CBLIF: variants seen among roughly 807,000 people sequenced by gnomAD.
The protein encoded by CBLIF is gastric intrinsic factor (vitamin B synthesis).
CBLIF carries 24 observed loss-of-function variants against 44.9 expected under a neutral mutation model. The observed-to-expected ratio is 0.53, with a 90% CI of 0.39 to 0.75. CBLIF has a LOEUF of 0.75. Among genes scored for constraint, CBLIF ranks in the 30% least tolerant of loss-of-function variants. CBLIF has a pLI of 0.00. For missense variants in CBLIF, 481 were observed against 513.0 expected (o/e 0.94, Z 0.60); for synonymous variants, 183 against 190.9 (o/e 0.96, Z 0.34).
chr11:59,844,038 C>G lies in CBLIF; in HGVS notation c.97G>C (p.Glu33Gln). 1 of 1,613,874 alleles carries G rather than the reference C, an allele frequency of 6.2e-7. No individual in the cohort carries two copies. The highest frequency in any genetic ancestry group is 1.1e-5 in the South Asian group (1 of 91,074). The change falls in exon 2 of 9, where the codon GAG (glutamate) becomes CAG (glutamine). Residue 33 changes from glutamate (E) to glutamine (Q), a missense_variant. Coordinates refer to ENST00000257248, the MANE Select transcript of CBLIF (RefSeq NM_005142.3). ...ACTTGTATTCCATTGACCAAGGGCTCCTGTGCTGAGGGAACGGCTGAGAAG... is the reference window on the plus strand; with the variant it reads ...ACTTGTATTCCATTGACCAAGGGCTGCTGTGCTGAGGGAACGGCTGAGAAG... ...QSSCSVPSAQEPLVNGIQVLM... is the reference protein window; with the variant it reads ...QSSCSVPSAQQPLVNGIQVLM...
At position 59,829,525 on chromosome 11, in the gene CBLIF, A is replaced by G; in HGVS notation, c.1213T>C (p.Phe405Leu). The change falls in exon 9 of 9, where the codon TTC becomes CTC. Residue 405 changes from phenylalanine (F) to leucine (L), a missense_variant. Transcript: ENST00000257248. ...LNEGVADYIP[F>L]NHEHITANFT... ...TTGGCTGTGATGTGCTCGTGGTTGA[A>G]GGGTATGTAGTCAGCAACCCCTGGA... 1 of 1,610,462 alleles carries G rather than the reference A, an allele frequency of 6.2e-7. No individual in the cohort carries two copies. Among genetic ancestry groups the G allele is most frequent in the Non-Finnish European group, 8.5e-7 (1 of 1,176,648 alleles).
Position 59,842,569 on chromosome 11 carries a change from C to A in CBLIF, c.385G>T (p.Ala129Ser). 1 of 1,614,008 alleles carries A rather than the reference C, an allele frequency of 6.2e-7. No individual in the cohort carries two copies. Among genetic ancestry groups the A allele is most frequent in the South Asian group, 1.1e-5 (1 of 91,078 alleles). ...AGACTGGGCCCATAGAAGGCTGATG[C>A]TTCAGCGTTGGGGCCTCCGAAGGGG... ...NWAPSSPNAEASAFYGPSLAI... is the reference protein window; with the variant it reads ...NWAPSSPNAESSAFYGPSLAI... Residue 129 changes from alanine (A) to serine (S), a missense_variant, in exon 4 of 9, where the codon GCA becomes TCA. By Grantham distance (99) the Ala-to-Ser change is moderately conservative. Transcript: ENST00000257248.
At chr11:59,841,044 TG>T in intron 5 of CBLIF, 98 bp downstream of exon 5, 2 of 894,458 alleles carry the variant, frequency 2.2e-6, no homozygotes, top group Non-Finnish European at 3.8e-6. Context: ...TCATACTAGC[TG>T]GACTTTCACA....
intron 4 of CBLIF, 72 bp downstream of exon 4, chr11:59,842,371 C>G (rs115253137): frequency 1.3e-6 from 2 of 1,544,904 alleles, no homozygotes; most frequent in Non-Finnish European, 1.8e-6. Context: ...TTTGTCACTT[C>G]CCTGCCAGCT....
chr11:59,830,233 C>CTTTTTTT (rs530371257), intron 8 of CBLIF, among the ~76,000 whole-genome samples: 1 of 123,294 alleles, frequency 8.1e-6, no homozygotes, highest in Non-Finnish European at 1.7e-5. Flanking sequence ...CAATTACTTT[C>CTTTTTTT]TTTTTTTTTT....
At chr11:59,834,805 A>G (rs1866432025) in intron 7 of CBLIF, among the ~76,000 whole-genome samples, 1 of 152,094 alleles carries the variant, frequency 6.6e-6, no homozygotes, top group South Asian at 2.1e-4. Flanking sequence ...CCTTTAATCA[A>G]TAGTTTTGAA....
At chr11:59,838,848 C>CTTTTTT (rs1217612334) in intron 5 of CBLIF, among the ~76,000 whole-genome samples, 6 of 130,534 alleles carry the variant, frequency 4.6e-5, no homozygotes, top group Non-Finnish European at 6.5e-5. Context: ...TTCTTTCTTT[C>CTTTTTT]TTTTTTTTTT....
At chr11:59,840,875 C>A in intron 5 of CBLIF, 1 of 361,270 alleles carries the variant, frequency 2.8e-6, no homozygotes, top group Non-Finnish European at 5.1e-6. Flanking sequence ...TAATATATTT[C>A]TTGATTTATT....
chr11:59,834,311 T>TCTTCCTTCCTTCCTTCCTTCCTTC (rs1214089354), intron 7 of CBLIF, among the ~76,000 whole-genome samples: 10 of 35,568 alleles, frequency 2.8e-4, no homozygotes, highest in African/African-American at 1.1e-3. Flanking sequence ...TTTCTTTCTT[T>TCTTCCTTCCTTCCTTCCTTCCTTC]CTTCCTTCCT....
intron 7 of CBLIF, among the ~76,000 whole-genome samples, chr11:59,832,283 A>G (rs1434335326): frequency 6.6e-6 from 1 of 152,180 alleles, no homozygotes; most frequent in Non-Finnish European, 1.5e-5. Flanking sequence ...ATGAGAACAC[A>G]TGAATACACA....
chr11:59,830,399 A>G (rs993480324), intron 8 of CBLIF, among the ~76,000 whole-genome samples: 18 of 151,758 alleles, frequency 1.2e-4, no homozygotes, highest in Admixed American at 2.6e-4. Context: ...ACCACGCCTG[A>G]CTAATTTTTT....
intron 2 of CBLIF, among the ~76,000 whole-genome samples, chr11:59,843,548 T>A (rs1866566633): frequency 6.6e-6 from 1 of 152,206 alleles, no homozygotes. Flanking sequence ...GTAGGGTTAT[T>A]GTTACTACAA....
chr11:59,844,022 C>G lies in CBLIF; in HGVS notation c.113G>C (p.Gly38Ala). Residue 38 changes from glycine (G) to alanine (A), a missense_variant, in exon 2 of 9, where the codon GGA (glycine) becomes GCA (alanine). Transcript: ENST00000257248. ...VPSAQEPLVN[G>A]IQVLMENSVT... is the part of the protein sequence containing the mutation. Reference sequence around the variant, plus strand: ...CGAGTTCTCCATGAGTACTTGTATTCCATTGACCAAGGGCTCCTGTGCTGA... The same window carrying G: ...CGAGTTCTCCATGAGTACTTGTATTGCATTGACCAAGGGCTCCTGTGCTGA... The G allele has an allele frequency of 6.2e-7, 1 of 1,613,978 alleles. No individual in the cohort carries two copies. Among genetic ancestry groups the G allele is most frequent in the South Asian group, 1.1e-5 (1 of 91,074 alleles).
chr11:59,831,583 T>C, intron 8 of CBLIF, 95 bp downstream of exon 8: 1 of 719,982 alleles, frequency 1.4e-6, no homozygotes, highest in Non-Finnish European at 2.5e-6. Flanking sequence ...TAATTATTAA[T>C]TAAGTGAATG....
intron 8 of CBLIF, among the ~76,000 whole-genome samples, chr11:59,830,483 C>T (rs1476290290): frequency 4.0e-5 from 6 of 151,732 alleles, no homozygotes; most frequent in Non-Finnish European, 8.8e-5. Flanking sequence ...CTGATCCGTC[C>T]GCCTTGGCCT....
intron 7 of CBLIF, among the ~76,000 whole-genome samples, chr11:59,834,288 CTTTCTTT>C (rs1866418777): frequency 7.2e-6 from 1 of 138,464 alleles, no homozygotes; most frequent in African/African-American, 2.7e-5. Flanking sequence ...TTCTTTCTTT[CTTTCTTT>C]CTTTCTTTCT....
intron 8 of CBLIF, chr11:59,831,466 C>T (rs1854188301): frequency 4.8e-6 from 1 of 207,072 alleles, no homozygotes; most frequent in Non-Finnish European, 9.2e-6. Flanking sequence ...TAATCTCTTT[C>T]TCTATGTAAT....
chr11:59,837,174 C>T lies in CBLIF; in HGVS notation c.871G>A (p.Asp291Asn). 1.2e-6 allele frequency: 2 copies of T among 1,612,416 alleles called. No homozygotes were observed. The highest frequency in any genetic ancestry group is 1.7e-6 in the Non-Finnish European group (2 of 1,178,462). The stretch of plus-strand genomic sequence containing the variant: ...ACATAAGGAGAGGTGGATGTCTTAC[C>T]AGGACTACAAGTGACCTGGGGCACA... The part of the protein sequence containing the change: ...LDVPQVTCSP[D>N]HEVQPTLPSN... Residue 291 changes from aspartate to asparagine, a missense_variant and splice_region_variant, in exon 6 of 9, where the codon GAT becomes AAT. Transcript: ENST00000257248.
Position 59,835,827 on chromosome 11 carries a change from G to T in CBLIF, c.1054C>A (p.Arg352Ser). Residue 352 changes from arginine to serine, a missense_variant, in exon 7 of 9, where the codon CGC (arginine) becomes AGC (serine). Transcript: ENST00000257248. ...ACTCACTTGAACATAGGATTTTTGC[G>T]CTGTGCTTCCTCTAGGACAACAAGT... ...VLLVVLEEAQ[R>S]KNPMFKFETT... is the part of the protein sequence containing the mutation. 1 of 1,612,904 alleles carries T rather than the reference G, an allele frequency of 6.2e-7. No homozygotes were observed. Among genetic ancestry groups the T allele is most frequent in the Non-Finnish European group, 8.5e-7 (1 of 1,178,872 alleles).
Sources: gnomAD v4.1 joint callset for allele counts (sites outside exome capture counted in the v4.1 genomes callset) on GRCh38, gnomAD v4.1.1 for gene constraint, MANE v1.5 for transcripts, NCBI Gene and HGNC (gene_info 2026-07-23, HGNC 2026-07-21) for gene names.